The following SPTLC3 variants were observed in gnomAD, a reference collection of about 807,000 sequenced individuals.
SPTLC3 encodes serine palmitoyltransferase 3.
Under a neutral mutation model 59.3 loss-of-function variants are expected in SPTLC3, and 36 were observed. The ratio of observed to expected loss-of-function variants is 0.61; its 90% CI spans 0.47 to 0.80. The LOEUF is 0.80. Ranked by LOEUF, SPTLC3 falls within the 30% of genes least tolerant of loss-of-function variation. The pLI is 0.00. For synonymous variants in SPTLC3, 257 were observed against 240.8 expected (o/e 1.07, Z -0.62); for missense variants, 625 against 685.1 (o/e 0.91, Z 0.98).
rs2038715672 is a variant in SPTLC3 at position 13,154,258 on chromosome 20, T to C, written c.1415+120T>C. The C allele has an allele frequency of 6.8e-6, 9 of 1,314,464 alleles. No homozygotes were observed. In the East Asian group the frequency reaches 2.2e-4, roughly 32 times the overall value. 81.4% of individuals were successfully genotyped at this position (1,314,464 alleles called of 1,614,324 possible). A position where few individuals can be genotyped will look rare whatever the true frequency, so the allele number is the denominator to read the frequency against. ...GGTGAGTGAGTTCAGAATTCACTCG[T>C]ACGGCTTCTCGGAAGCCACCTGTCA... On this transcript the variant is annotated intron_variant, in intron 10 of 11. Coordinates refer to ENST00000399002, the MANE Select transcript of SPTLC3 (RefSeq NM_018327.4).
rs565859192 is a variant in SPTLC3, at chr20:13,154,028, G to A, written c.1305G>A (p.Ala435=). ...TQGLQRVQQL[A]KNTRYFRQRL... is the part of the protein sequence containing the mutation. The stretch of plus-strand genomic sequence containing the variant: ...GGCTGCAGAGAGTACAGCAACTTGC[G>A]AAAAACACAAGATACTTCAGACAAA... The change falls in exon 10 of 12, where the codon GCG becomes GCA. Residue 435 remains alanine (A), a synonymous_variant. Coordinates refer to ENST00000399002, the MANE Select transcript of SPTLC3 (RefSeq NM_018327.4). 125 of 1,614,078 alleles carry A rather than the reference G, an allele frequency of 7.7e-5. No homozygotes were observed. Among genetic ancestry groups the A allele is most frequent in the South Asian group, 4.5e-4 (41 of 91,076 alleles).
chr20:13,097,704 T>G (rs1989468788), intron 6 of SPTLC3, among the ~76,000 whole-genome samples: 1 of 152,168 alleles, frequency 6.6e-6, no homozygotes, highest in Admixed American at 6.5e-5. Flanking sequence ...GTTAGAGCAC[T>G]GAATCCTGTC....
At chr20:13,046,344 T>A (rs983600652) in intron 1 of SPTLC3, among the ~76,000 whole-genome samples, 2 of 152,220 alleles carry the variant, frequency 1.3e-5, no homozygotes, top group African/African-American at 4.8e-5. Context: ...CAAATTAGCA[T>A]GTTCTGTACA....
intron 4 of SPTLC3, among the ~76,000 whole-genome samples, chr20:13,084,727 A>AGGATACAG (rs1159870647): frequency 6.6e-6 from 1 of 152,164 alleles, no homozygotes; most frequent in East Asian, 1.9e-4. Flanking sequence ...TAGTAAAATA[A>AGGATACAG]GGATACAGTT....
intron 4 of SPTLC3, among the ~76,000 whole-genome samples, chr20:13,078,795 G>A (rs1988738799): frequency 6.6e-6 from 1 of 152,048 alleles, no homozygotes; most frequent in Admixed American, 6.5e-5. Flanking sequence ...GCTGTTCTTG[G>A]GGCTACCAGA....
intron 2 of SPTLC3, among the ~76,000 whole-genome samples, chr20:13,063,738 T>C (rs1395863657): frequency 6.7e-6 from 1 of 150,176 alleles, no homozygotes; most frequent in East Asian, 2.0e-4. Context: ...ACTGCAAACC[T>C]TCTCCCCATG....
At chr20:13,052,186 T>C (rs1987523233) in intron 2 of SPTLC3, among the ~76,000 whole-genome samples, 1 of 152,088 alleles carries the variant, frequency 6.6e-6, no homozygotes, top group African/African-American at 2.4e-5. Context: ...CTCATCTCAC[T>C]GGGACTGGTT....
chr20:13,039,147 T>C lies in SPTLC3; in HGVS notation c.118-9798T>C, dbSNP rs1490123494. 2.0e-5 allele frequency among the ~76,000 whole-genome samples: 3 copies of C among 152,202 alleles called. No individual in the cohort carries two copies. In the East Asian group the frequency reaches 5.8e-4, roughly 29 times the overall value. The stretch of plus-strand genomic sequence containing the variant: ...ATATCTCTTAAGTCTAGTTGGTTTA[T>C]ACTATTGTTCAAGTCTTCTATTTTC... On this transcript the variant is annotated intron_variant, in intron 1 of 11. Transcript: ENST00000399002.
At chr20:13,075,791 G>T (rs1270953265) in intron 4 of SPTLC3, among the ~76,000 whole-genome samples, 1 of 152,166 alleles carries the variant, frequency 6.6e-6, no homozygotes, top group African/African-American at 2.4e-5. Flanking sequence ...CAATACCAGG[G>T]TTGTTAATGA....
intron 6 of SPTLC3, among the ~76,000 whole-genome samples, chr20:13,108,143 A>G (rs1426592893): frequency 6.6e-6 from 1 of 152,186 alleles, no homozygotes; most frequent in Non-Finnish European, 1.5e-5. Context: ...GGGGCCTCTC[A>G]GAGATGAGGT....
chr20:13,033,415 C>A (rs145589138), intron 1 of SPTLC3, among the ~76,000 whole-genome samples: 163 of 152,322 alleles, frequency 1.1e-3, no homozygotes, highest in African/African-American at 3.6e-3. Context: ...GTTCTGGAAT[C>A]TTTAATGTGT....
chr20:13,075,964 G>A (rs1442334713), intron 4 of SPTLC3, among the ~76,000 whole-genome samples: 1 of 152,208 alleles, frequency 6.6e-6, no homozygotes, highest in African/African-American at 2.4e-5. Flanking sequence ...CATAGGTTTA[G>A]CAAACCTTAA....
At chr20:13,112,130 C>T (rs547997518) in intron 7 of SPTLC3, among the ~76,000 whole-genome samples, 3 of 152,332 alleles carry the variant, frequency 2.0e-5, no homozygotes, top group South Asian at 2.1e-4. Context: ...TTATTTCCCA[C>T]GCTACCGTGG....
At chr20:13,079,986 AC>A (rs998850911) in intron 4 of SPTLC3, 15 of 252,660 alleles carry the variant, frequency 5.9e-5, no homozygotes, top group African/African-American at 3.5e-4. Flanking sequence ...CAGAGAAAAC[AC>A]CCACAGAAAC....
At chr20:13,159,881 T>C in intron 10 of SPTLC3, 122 bp from the exon 11 acceptor site, 1 of 1,319,806 alleles carries the variant, frequency 7.6e-7, no homozygotes, top group Non-Finnish European at 1.0e-6. Context: ...TTCCACTTAT[T>C]ATCATAAAAA....
intron 1 of SPTLC3, among the ~76,000 whole-genome samples, chr20:13,011,970 T>C (rs1985278149): frequency 6.6e-6 from 1 of 152,180 alleles, no homozygotes; most frequent in Non-Finnish European, 1.5e-5. Context: ...TAATTTTTAT[T>C]GAATTAAAAT....
At chr20:13,114,813 G>A (rs1253686005) in intron 7 of SPTLC3, among the ~76,000 whole-genome samples, 6 of 152,180 alleles carry the variant, frequency 3.9e-5, no homozygotes, top group Admixed American at 2.0e-4. Flanking sequence ...TTAGCTAGCC[G>A]GTGGTTTAAT....
At chr20:13,129,116 C>T (rs921968440) in intron 9 of SPTLC3, among the ~76,000 whole-genome samples, 5 of 152,082 alleles carry the variant, frequency 3.3e-5, no homozygotes, top group Admixed American at 3.3e-4. Flanking sequence ...ATCTGCCTGC[C>T]TCGGCCTCCC....
chr20:13,067,044 CATATATATAT>C (rs143918659), intron 2 of SPTLC3, among the ~76,000 whole-genome samples: 13 of 71,124 alleles, frequency 1.8e-4, no homozygotes, highest in South Asian at 1.2e-3. Flanking sequence ...GTCACTTCTA[CATATATATAT>C]ATATATATAT....
Sources: gnomAD v4.1 joint callset for allele counts (sites outside exome capture counted in the v4.1 genomes callset) on GRCh38, gnomAD v4.1.1 for gene constraint, MANE v1.5 for transcripts, NCBI Gene and HGNC (gene_info 2026-07-23, HGNC 2026-07-21) for gene names.